Variants in FBXO42 observed in about 807,000 individuals in gnomAD.
The protein encoded by FBXO42 is F-box only protein 42.
In FBXO42, 12 loss-of-function variants were observed where a neutral mutation model predicts 71.7. The observed-to-expected ratio is 0.17, with a 90% CI of 0.11 to 0.27. The LOEUF (loss-of-function observed/expected upper bound fraction) is 0.27. FBXO42 is among the 10% of genes least tolerant of loss of function. The pLI, the probability that FBXO42 is intolerant of heterozygous loss-of-function variation, is 1.00. For synonymous variants in FBXO42, 325 were observed against 327.5 expected (o/e 0.99, Z 0.08); for missense variants, 707 against 911.9 (o/e 0.78, Z 2.89).
chr1:16,295,017 G>A (rs1215928770), intron 3 of FBXO42, 100 bp from the exon 4 acceptor site: 2 of 1,370,978 alleles, frequency 1.5e-6, no homozygotes, highest in South Asian at 1.6e-5. Context: ...CACACATTCA[G>A]CAATTTTGTT....
chr1:16,335,744 G>C (rs906994716), intron 1 of FBXO42, among the ~76,000 whole-genome samples: 7 of 151,358 alleles, frequency 4.6e-5, no homozygotes, highest in African/African-American at 1.7e-4. Flanking sequence ...GTGGGCACCT[G>C]TAATCCCAGC....
intron 4 of FBXO42, among the ~76,000 whole-genome samples, chr1:16,271,072 A>G (rs1439473031): frequency 2.0e-5 from 3 of 152,162 alleles, no homozygotes; most frequent in Non-Finnish European, 2.9e-5. Flanking sequence ...GAGAGTCACA[A>G]GGACATGCAG....
intron 1 of FBXO42, among the ~76,000 whole-genome samples, chr1:16,327,225 T>G (rs2082459416): frequency 6.6e-6 from 1 of 152,192 alleles, no homozygotes; most frequent in African/African-American, 2.4e-5. Flanking sequence ...ACTCTTGAGG[T>G]GTTCAGTGTT....
At position 16,322,604 on chromosome 1, in the gene FBXO42, A is replaced by G. The variant is rs375853950; in HGVS notation, c.-17-7169T>C. ...ATACAAAAAAAATTTTAAAAACTAA[A>G]AAAAAAACTATGCTACATATAACTA... On this transcript the variant is annotated intron_variant, in intron 1 of 9. Coordinates refer to ENST00000375592, the MANE Select transcript of FBXO42 (RefSeq NM_018994.3). Among the ~76,000 whole-genome samples, 18 of 152,218 alleles carry G rather than the reference A, an allele frequency of 1.2e-4. No homozygotes were observed. The East Asian group carries it at 3.3e-3, about 28-fold the overall frequency.
chr1:16,278,358 A>G (rs1197373152), intron 4 of FBXO42, among the ~76,000 whole-genome samples: 2 of 123,684 alleles, frequency 1.6e-5, no homozygotes, highest in Middle Eastern at 3.8e-3. Flanking sequence ...ACTCCATCTC[A>G]AAAAAAAAAA....
At chr1:16,301,134 A>C (rs2082189275) in intron 3 of FBXO42, among the ~76,000 whole-genome samples, 1 of 151,836 alleles carries the variant, frequency 6.6e-6, no homozygotes, top group South Asian at 2.1e-4. Context: ...CCTGGCCTGA[A>C]GTGATCCACC....
chr1:16,340,658 T>C (rs965932697), intron 1 of FBXO42, among the ~76,000 whole-genome samples: 2 of 152,156 alleles, frequency 1.3e-5, no homozygotes, highest in Admixed American at 6.6e-5. Context: ...ATGCCAAGGT[T>C]AAGTTACTTC....
At chr1:16,257,109 G>C (rs2081654447) in intron 4 of FBXO42, among the ~76,000 whole-genome samples, 1 of 152,088 alleles carries the variant, frequency 6.6e-6, no homozygotes, top group South Asian at 2.1e-4. Context: ...CTGGCACATA[G>C]AAAGTGCTCA....
intron 4 of FBXO42, among the ~76,000 whole-genome samples, chr1:16,280,163 G>C (rs2081949227): frequency 1.3e-5 from 2 of 152,072 alleles, no homozygotes; most frequent in Non-Finnish European, 2.9e-5. Flanking sequence ...ATGTACTCTT[G>C]ATCTGATGTG....
chr1:16,349,254 T>G (rs1238199295), intron 1 of FBXO42, among the ~76,000 whole-genome samples: 1 of 152,174 alleles, frequency 6.6e-6, no homozygotes, highest in Non-Finnish European at 1.5e-5. Context: ...CAAGAAGCCT[T>G]CCTTGACTCT....
intron 4 of FBXO42, among the ~76,000 whole-genome samples, chr1:16,289,231 C>CA (rs374570352): frequency 0.029 from 4,238 of 144,072 alleles, 193 homozygotes; most frequent in African/African-American, 0.1. Context: ...CCTAGTTCTA[C>CA]AAAAAAAAAA....
intron 3 of FBXO42, among the ~76,000 whole-genome samples, chr1:16,298,478 C>T (rs1009148022): frequency 2.6e-5 from 4 of 152,112 alleles, no homozygotes; most frequent in Admixed American, 2.6e-4. Context: ...TATTCCAGAC[C>T]TCCAGAAAAA....
Position 16,288,377 on chromosome 1 carries a change from C to G in FBXO42, c.502+6406G>C, listed in dbSNP as rs12062694. On this transcript the variant is annotated intron_variant, in intron 4 of 9. Transcript: ENST00000375592. ...CCCGGGAGGTGGAGGTTGCAATGAG[C>G]CCAGATCGCACCACTGCACTCCAGC... is the stretch of plus-strand genomic sequence containing the variant. Among the ~76,000 whole-genome samples, 904 of 151,744 alleles carry G rather than the reference C, an allele frequency of 6.0e-3. 7 individuals are homozygous for G. The highest frequency in any genetic ancestry group is 0.021 in the African/African-American group (868 of 41,380).
intron 4 of FBXO42, chr1:16,293,483 AGGAAGT>A (rs2082100471): frequency 6.6e-6 from 1 of 152,288 alleles, no homozygotes; most frequent in Admixed American, 6.5e-5. Flanking sequence ...TGGTTGTGAC[AGGAAGT>A]GGAAGAGAAG....
rs267598147 is a variant in FBXO42 at position 16,251,759 on chromosome 1, G to A, written c.1065C>T (p.Ser355=). The change falls in exon 10 of 10, where the codon AGC becomes AGT. Residue 355 remains serine (S), a synonymous_variant. Transcript: ENST00000375592. The surrounding 1 kb of genome is among the most constrained non-coding windows in gnomAD (Gnocchi z 4.5). ...CRVGQCVVVF[S]QAPSGRAPLS... ...GTGGGGCTCTCCCACTAGGAGCCTG[G>A]CTGAAGACCACCACACACTGTCCCA... is the stretch of plus-strand genomic sequence containing the variant. 2.5e-6 allele frequency: 4 copies of A among 1,613,878 alleles called. No homozygotes were observed. The highest frequency in any genetic ancestry group is 3.4e-6 in the Non-Finnish European group (4 of 1,179,982).
At chr1:16,302,570 T>C (rs1295754113) in intron 3 of FBXO42, among the ~76,000 whole-genome samples, 2 of 152,114 alleles carry the variant, frequency 1.3e-5, no homozygotes, top group Non-Finnish European at 2.9e-5. Flanking sequence ...AGTGCAGTGG[T>C]GCAATCTCAG....
chr1:16,330,990 G>A (rs970694926), intron 1 of FBXO42, among the ~76,000 whole-genome samples: 7 of 151,890 alleles, frequency 4.6e-5, no homozygotes, highest in Admixed American at 1.3e-4. Flanking sequence ...GCATGGTGGC[G>A]CGTGCCTGTA....
At chr1:16,254,756 T>A (rs1293899296) in intron 6 of FBXO42, among the ~76,000 whole-genome samples, 1 of 152,200 alleles carries the variant, frequency 6.6e-6, no homozygotes, top group East Asian at 1.9e-4. Flanking sequence ...CTGCTACCGC[T>A]GAATCAGACA....
At chr1:16,336,998 A>G (rs1411290784) in intron 1 of FBXO42, among the ~76,000 whole-genome samples, 1 of 152,114 alleles carries the variant, frequency 6.6e-6, no homozygotes, top group Admixed American at 6.6e-5. Flanking sequence ...AAATAATAAT[A>G]TAAACATTTC....
Sources: gnomAD v4.1 joint callset for allele counts (sites outside exome capture counted in the v4.1 genomes callset) on GRCh38, gnomAD v4.1.1 for gene constraint, Gnocchi (gnomAD v3.1) non-coding constraint, MANE v1.5 for transcripts, NCBI Gene and HGNC (gene_info 2026-07-23, HGNC 2026-07-21) for gene names.